ADAMTSL1: variants seen among roughly 807,000 people sequenced by gnomAD.
ADAMTSL1 encodes the protein ADAMTS like 1.
A neutral mutation model predicts 201.8 loss-of-function variants in ADAMTSL1; 126 were observed. The ratio of observed to expected loss-of-function variants is 0.62; its 90% CI spans 0.54 to 0.72. The LOEUF is 0.72. Among genes scored for constraint, ADAMTSL1 ranks in the 30% least tolerant of loss-of-function variants. The probability of loss-of-function intolerance (pLI) is 0.00; values close to 1 mark genes in which losing one functional copy is unlikely to be tolerated. For synonymous variants in ADAMTSL1, 1,121 were observed against 903.4 expected, an observed-to-expected ratio of 1.24 and a Z score of -4.32; for missense variants, 2,679 against 2,277.8, an observed-to-expected ratio of 1.18 and a Z score of -3.59.
chr9:18,358,966 T>C (rs567608325), intron 2 of ADAMTSL1, among the ~76,000 whole-genome samples: 1 of 151,980 alleles, frequency 6.6e-6, no homozygotes, highest in East Asian at 1.9e-4. Context: ...TCATGGAGGG[T>C]GGGGTAGGGG....
chr9:18,264,218 C>T (rs1057251455), intron 2 of ADAMTSL1, among the ~76,000 whole-genome samples: 2 of 151,760 alleles, frequency 1.3e-5, no homozygotes, highest in African/African-American at 4.8e-5. Context: ...ATAATTTTGT[C>T]CCTCAAATAC....
At chr9:18,174,828 A>G (rs1393286688) in intron 2 of ADAMTSL1, among the ~76,000 whole-genome samples, 1 of 152,184 alleles carries the variant, frequency 6.6e-6, no homozygotes, top group Non-Finnish European at 1.5e-5. Context: ...TAAGAGAACA[A>G]TGTCGTAATT....
At chr9:18,484,948 TAATAA>T (rs1346790408) in intron 1 of ADAMTSL1, among the ~76,000 whole-genome samples, 1 of 152,222 alleles carries the variant, frequency 6.6e-6, no homozygotes, top group Non-Finnish European at 1.5e-5. Flanking sequence ...CTAAGGACGC[TAATAA>T]AATAAATTTC....
chr9:18,225,779 T>C (rs1830415202), intron 2 of ADAMTSL1, among the ~76,000 whole-genome samples: 1 of 152,202 alleles, frequency 6.6e-6, no homozygotes, highest in African/African-American at 2.4e-5. Context: ...AAATTAAATA[T>C]GATCATTTAT....
At chr9:18,845,446 A>C (rs367938798) in intron 23 of ADAMTSL1, among the ~76,000 whole-genome samples, 3 of 152,246 alleles carry the variant, frequency 2.0e-5, no homozygotes, top group Non-Finnish European at 4.4e-5. Flanking sequence ...GGCACAGCCA[A>C]CACACATGGT....
At chr9:18,352,709 T>C (rs554053456) in intron 2 of ADAMTSL1, among the ~76,000 whole-genome samples, 1 of 152,282 alleles carries the variant, frequency 6.6e-6, no homozygotes, top group Non-Finnish European at 1.5e-5. Context: ...CAGAAAACCA[T>C]CAGATGATTT....
chr9:18,111,071 G>T (rs79582537), intron 1 of ADAMTSL1, among the ~76,000 whole-genome samples: 3,732 of 152,196 alleles, frequency 0.025, 147 homozygotes, highest in African/African-American at 0.081. Context: ...GTGAAGTGTA[G>T]AAATGTGTTT....
intron 15 of ADAMTSL1, among the ~76,000 whole-genome samples, chr9:18,741,185 T>C (rs1444497453): frequency 1.3e-5 from 2 of 152,150 alleles, no homozygotes; most frequent in African/African-American, 4.8e-5. Flanking sequence ...CTTATGGTTG[T>C]CTCTAAAAAC....
intron 2 of ADAMTSL1, among the ~76,000 whole-genome samples, chr9:18,384,794 C>G (rs1837717384): frequency 6.6e-6 from 1 of 152,136 alleles, no homozygotes; most frequent in African/African-American, 2.4e-5. Flanking sequence ...ATGTTCTCCT[C>G]CCACTGATGT....
intron 2 of ADAMTSL1, among the ~76,000 whole-genome samples, chr9:18,354,925 T>A (rs1480117333): frequency 6.6e-6 from 1 of 152,156 alleles, no homozygotes; most frequent in East Asian, 1.9e-4. Context: ...GAGCCAAGAT[T>A]GTGCCAATGC....
intron 10 of ADAMTSL1, among the ~76,000 whole-genome samples, chr9:18,676,974 T>A (rs1236055015): frequency 6.6e-6 from 1 of 152,060 alleles, no homozygotes; most frequent in Non-Finnish European, 1.5e-5. Context: ...ATACCACAGA[T>A]ATGTTAAATA....
At chr9:18,294,038 A>G (rs1330070918) in intron 2 of ADAMTSL1, among the ~76,000 whole-genome samples, 2 of 152,240 alleles carry the variant, frequency 1.3e-5, no homozygotes, top group Non-Finnish European at 2.9e-5. Flanking sequence ...GTTGTCATCC[A>G]GCTGCATGGG....
At chr9:18,661,132 A>G (rs1312411428) in intron 8 of ADAMTSL1, among the ~76,000 whole-genome samples, 3 of 152,162 alleles carry the variant, frequency 2.0e-5, no homozygotes, top group African/African-American at 2.4e-5. Flanking sequence ...CCACAGGACA[A>G]TAAAAAGGCA....
chr9:18,567,376 G>A (rs536745363), intron 3 of ADAMTSL1, among the ~76,000 whole-genome samples: 86 of 152,284 alleles, frequency 5.6e-4, no homozygotes, highest in Middle Eastern at 3.4e-3. Context: ...TGAGGCAGGA[G>A]AATTGCTTGA....
chr9:18,095,055 G>T (rs1824186071), intron 1 of ADAMTSL1, among the ~76,000 whole-genome samples: 1 of 152,112 alleles, frequency 6.6e-6, no homozygotes, highest in Admixed American at 6.5e-5. Context: ...GTAGACCTTT[G>T]GTGCTAAAAG....
intron 2 of ADAMTSL1, among the ~76,000 whole-genome samples, chr9:18,295,633 C>T (rs1472630473): frequency 1.3e-5 from 2 of 152,160 alleles, no homozygotes; most frequent in Non-Finnish European, 2.9e-5. Flanking sequence ...CCACGGTGCC[C>T]GGCTGCAACT....
intron 23 of ADAMTSL1, among the ~76,000 whole-genome samples, chr9:18,844,514 G>C (rs1046313561): frequency 2.0e-5 from 3 of 152,226 alleles, no homozygotes; most frequent in African/African-American, 7.2e-5. Flanking sequence ...AAGGCAGTCT[G>C]CCCATTCTCA....
intron 2 of ADAMTSL1, among the ~76,000 whole-genome samples, chr9:18,234,676 A>G (rs909972728): frequency 6.6e-6 from 1 of 152,194 alleles, no homozygotes. Context: ...AGAATTGGCA[A>G]TATGGAAATT....
Position 17,992,456 on chromosome 9 carries a change from CTTTG to C in ADAMTSL1, c.87+85538_87+85541del, listed in dbSNP as rs538892231. ...GTGATGGTTTTGAAGGTTTTGCCAACTTTGTTTCTTTTCAGATGAATGCTTGTAC... is the reference window on the plus strand; with the variant it reads ...GTGATGGTTTTGAAGGTTTTGCCAACTTTCTTTTCAGATGAATGCTTGTAC... On this transcript the variant is annotated intron_variant, in intron 1 of 29. Transcript: ENST00000680146. 1.2e-3 allele frequency among the ~76,000 whole-genome samples: 183 copies of C among 152,226 alleles called. 1 individual carries two copies. The highest frequency in any genetic ancestry group is 2.2e-3 in the Non-Finnish European group (149 of 68,008).
Sources: allele counts gnomAD v4.1 joint callset (sites outside exome capture counted in the v4.1 genomes callset), GRCh38; gene constraint gnomAD v4.1.1; transcripts MANE v1.5; gene names NCBI Gene and HGNC (gene_info 2026-07-23, HGNC 2026-07-21).